Variants in CORIN observed in about 807,000 individuals in gnomAD.
CORIN encodes the protein corin, serine peptidase.
Under a neutral mutation model 125.3 loss-of-function variants are expected in CORIN, and 117 were observed. The ratio of observed to expected loss-of-function variants is 0.93; its 90% CI spans 0.80 to 1.09. The LOEUF is 1.09. Among genes scored for constraint, CORIN ranks in the 50% least tolerant of loss-of-function variants. The pLI, the probability that CORIN is intolerant of heterozygous loss-of-function variation, is 0.00. For missense variants in CORIN, 1,253 were observed against 1,306.7 expected, an observed-to-expected ratio of 0.96 and a Z score of 0.63; for synonymous variants, 450 against 466.4, an observed-to-expected ratio of 0.96 and a Z score of 0.45.
chr4:47,618,208 C>T (rs1444042788), intron 19 of CORIN, among the ~76,000 whole-genome samples: 5 of 151,918 alleles, frequency 3.3e-5, no homozygotes, highest in Non-Finnish European at 7.4e-5. Context: ...GTGGCAGGCA[C>T]CTGTAATCCC....
At chr4:47,825,800 A>G (rs1732721850) in intron 1 of CORIN, among the ~76,000 whole-genome samples, 1 of 151,108 alleles carries the variant, frequency 6.6e-6, no homozygotes, top group Non-Finnish European at 1.5e-5. Flanking sequence ...TCCCAGGCTC[A>G]AATGATTCTG....
intron 1 of CORIN, among the ~76,000 whole-genome samples, chr4:47,821,050 T>C (rs1395553243): frequency 6.6e-6 from 1 of 151,926 alleles, no homozygotes; most frequent in Non-Finnish European, 1.5e-5. Flanking sequence ...GCCTGGCCAA[T>C]ATGGTGAAAT....
intron 11 of CORIN, 99 bp from the exon 12 acceptor site, chr4:47,661,955 A>G: frequency 3.3e-6 from 4 of 1,209,748 alleles, no homozygotes; most frequent in Middle Eastern, 2.0e-4. Context: ...TGTATGTGGC[A>G]TGTATTGTGG....
intron 1 of CORIN, among the ~76,000 whole-genome samples, chr4:47,821,659 C>T (rs574588002): frequency 3.1e-3 from 475 of 152,054 alleles, no homozygotes; most frequent in Non-Finnish European, 5.3e-3. Context: ...TGACGTCTTT[C>T]CACAGTTGGT....
In CORIN at chr4:47,835,286, T is replaced by C. The variant is rs192311376; in HGVS notation, c.63+2601A>G. On this transcript the variant is annotated intron_variant, in intron 1 of 21. Transcript: ENST00000273857. ...CAAAATGGAATGCCAAGAATAGTGA[T>C]GGGGCTAACAGGATGCATGAATCCA... Among the ~76,000 whole-genome samples the C allele has an allele frequency of 2.1e-3, 315 of 152,310 alleles. 2 individuals carry two copies. Among genetic ancestry groups the C allele is most frequent in the Non-Finnish European group, 4.0e-3 (272 of 68,024 alleles).
rs78211794 is a variant in CORIN at position 47,689,710 on chromosome 4, A to G, written c.913+3260T>C. ...TAGGAGCCAGTTATAGACTCAAAAG[A>G]TTATAGAATCTTAACAACAAAAGAG... On this transcript the variant is annotated intron_variant, in intron 6 of 21. Transcript: ENST00000273857. 7.2e-5 allele frequency among the ~76,000 whole-genome samples: 11 copies of G among 152,260 alleles called. No individual in the cohort carries two copies. The East Asian group carries it at 1.5e-3, about 21-fold the overall frequency.
rs1404296530 is a variant in CORIN at position 47,727,618 on chromosome 4, A to G, written c.799+16784T>C. ...GGGATAAAAATAATCTAAGCATTAA[A>G]AAGATATTACACTGTAATGAAATTC... On this transcript the variant is annotated intron_variant, in intron 5 of 21. Coordinates refer to ENST00000273857, the MANE Select transcript of CORIN (RefSeq NM_006587.4). Among the ~76,000 whole-genome samples, 4 of 152,248 alleles carry G rather than the reference A, an allele frequency of 2.6e-5. No individual in the cohort carries two copies. In the East Asian group the frequency reaches 7.7e-4, roughly 29 times the overall value.
chr4:47,671,748 C>A (rs1724770437), intron 10 of CORIN, among the ~76,000 whole-genome samples: 1 of 151,952 alleles, frequency 6.6e-6, no homozygotes, highest in African/African-American at 2.4e-5. Flanking sequence ...CCATGCCCGG[C>A]TAATTTTTTT....
At position 47,599,166 on chromosome 4, in the gene CORIN, T is replaced by C. The variant is rs1303954352; in HGVS notation, c.2946+1048A>G. 2.6e-5 allele frequency among the ~76,000 whole-genome samples: 4 copies of C among 152,182 alleles called. No homozygotes were observed. The Middle Eastern group carries it at 0.01, about 388-fold the overall frequency. The stretch of plus-strand genomic sequence containing the variant: ...TGGGAAATCAAACCCAGTCCTCCTG[T>C]AGAGAAGGGAGGGATTCCTTTACCA... On this transcript the variant is annotated intron_variant, in intron 21 of 21. Coordinates refer to ENST00000273857, the MANE Select transcript of CORIN (RefSeq NM_006587.4).
At chr4:47,734,530 C>G (rs1445496559) in intron 5 of CORIN, among the ~76,000 whole-genome samples, 1 of 152,210 alleles carries the variant, frequency 6.6e-6, no homozygotes, top group Non-Finnish European at 1.5e-5. Flanking sequence ...TTTATACTTT[C>G]TGTATCACAG....
intron 1 of CORIN, among the ~76,000 whole-genome samples, chr4:47,832,445 CT>C (rs1211972356): frequency 2.1e-3 from 164 of 76,906 alleles, no homozygotes; most frequent in African/African-American, 2.7e-3. Context: ...CTTTTCTTTT[CT>C]TTTTTTTTTT....
chr4:47,765,477 T>C (rs1002890030), intron 3 of CORIN, among the ~76,000 whole-genome samples: 1 of 152,204 alleles, frequency 6.6e-6, no homozygotes, highest in Admixed American at 6.5e-5. Context: ...TTTGCTATTA[T>C]ATTGCTGTAA....
chr4:47,623,632 T>A lies in CORIN; in HGVS notation c.2479A>T (p.Ile827Phe), dbSNP rs761978477. 6.2e-7 allele frequency: 1 copy of A among 1,614,216 alleles called. No individual in the cohort carries two copies. The highest frequency in any genetic ancestry group is 1.7e-5 in the Admixed American group (1 of 60,022). ...TTGGCAATGAGGACACAGCCACAGA[T>A]ATGTCCACTGGGTTCACTCTGCAGA... ...CSLQSEPSGH[I>F]CGCVLIAKKW... Residue 827 changes from isoleucine (I) to phenylalanine (F), a missense_variant, in exon 19 of 22, where the codon ATC becomes TTC. Coordinates refer to ENST00000273857, the MANE Select transcript of CORIN (RefSeq NM_006587.4).
chr4:47,651,950 C>T (rs1180275834), intron 13 of CORIN, among the ~76,000 whole-genome samples: 1 of 151,976 alleles, frequency 6.6e-6, no homozygotes, highest in Non-Finnish European at 1.5e-5. Context: ...AATATTTAGT[C>T]CCCTACAACA....
intron 19 of CORIN, among the ~76,000 whole-genome samples, chr4:47,618,114 C>T (rs1179546286): frequency 6.6e-6 from 1 of 151,610 alleles, no homozygotes; most frequent in Non-Finnish European, 1.5e-5. Flanking sequence ...GTGGGTGGAT[C>T]ACTTGAGGTC....
chr4:47,825,071 T>G (rs1261275709), intron 1 of CORIN, among the ~76,000 whole-genome samples: 1 of 152,168 alleles, frequency 6.6e-6, no homozygotes. Flanking sequence ...ATGAGGTATT[T>G]TTAACTGAGA....
At chr4:47,736,810 C>A (rs1728156588) in intron 5 of CORIN, among the ~76,000 whole-genome samples, 2 of 152,262 alleles carry the variant, frequency 1.3e-5, no homozygotes, top group Admixed American at 6.5e-5. Flanking sequence ...ACTGCAAAGA[C>A]AAGATAAGCC....
At chr4:47,642,882 C>G in intron 15 of CORIN, 1 of 1,468,478 alleles carries the variant, frequency 6.8e-7, no homozygotes, top group Non-Finnish European at 8.9e-7. Flanking sequence ...TAAATCCTCT[C>G]CCAGCAATTA....
chr4:47,684,166 C>A (rs572592579), intron 6 of CORIN, among the ~76,000 whole-genome samples: 4 of 152,150 alleles, frequency 2.6e-5, no homozygotes, highest in Non-Finnish European at 5.9e-5. Flanking sequence ...CTTGTTCATG[C>A]AGAATAGACT....
Sources: allele counts gnomAD v4.1 joint callset (sites outside exome capture counted in the v4.1 genomes callset), GRCh38; gene constraint gnomAD v4.1.1; transcripts MANE v1.5; gene names NCBI Gene and HGNC (gene_info 2026-07-23, HGNC 2026-07-21).